Variants in HLCS observed in about 807,000 individuals in gnomAD.
The protein encoded by HLCS is biotin--protein ligase.
In HLCS, 53 loss-of-function variants were observed where a neutral mutation model predicts 75.0. The observed-to-expected ratio is 0.71, with a 90% CI of 0.57 to 0.89. HLCS has a LOEUF of 0.89. Among genes scored for constraint, HLCS ranks in the 40% least tolerant of loss-of-function variants. The pLI is 0.00. For synonymous variants in HLCS, 431 were observed against 428.6 expected (o/e 1.01, Z -0.07); for missense variants, 966 against 1,074.0 (o/e 0.90, Z 1.41).
intron 2 of HLCS, among the ~76,000 whole-genome samples, chr21:36,950,001 T>C (rs1423804655): frequency 6.6e-6 from 1 of 152,054 alleles, no homozygotes; most frequent in Non-Finnish European, 1.5e-5. Context: ...CCACAGGCCA[T>C]CACCTCCTAA....
intron 6 of HLCS, among the ~76,000 whole-genome samples, chr21:36,805,244 A>G (rs989006034): frequency 6.6e-6 from 1 of 151,896 alleles, no homozygotes; most frequent in African/African-American, 2.4e-5. Flanking sequence ...AATTTTAAAG[A>G]AAAAAAAATT....
At chr21:36,759,584 T>C in intron 9 of HLCS, 143 bp downstream of exon 9, 1 of 670,850 alleles carries the variant, frequency 1.5e-6, no homozygotes. Context: ...TCTCTCTGCA[T>C]CTATACCCTG....
chr21:36,986,423 TG>T (rs1375099294), intron 1 of HLCS, among the ~76,000 whole-genome samples: 1 of 152,234 alleles, frequency 6.6e-6, no homozygotes, highest in African/African-American at 2.4e-5. Flanking sequence ...ACTTTTCGTT[TG>T]TTTTTTGGTT....
intron 6 of HLCS, among the ~76,000 whole-genome samples, chr21:36,888,387 T>C (rs1330034641): frequency 6.4e-5 from 9 of 141,512 alleles, no homozygotes; most frequent in African/African-American, 2.4e-4. Flanking sequence ...CTTTCTTAAA[T>C]GACTGCAGCT....
chr21:36,757,204 G>A (rs147089807), intron 9 of HLCS, among the ~76,000 whole-genome samples: 3,478 of 152,252 alleles, frequency 0.023, 61 homozygotes, highest in Middle Eastern at 0.037. Context: ...TTCAGGACTT[G>A]GGAAGTAAAC....
At chr21:36,859,126 G>A (rs551952599) in intron 6 of HLCS, among the ~76,000 whole-genome samples, 2 of 152,288 alleles carry the variant, frequency 1.3e-5, no homozygotes, top group African/African-American at 2.4e-5. Context: ...GAGTTCAAGC[G>A]ATTCTCCTGC....
At chr21:36,911,530 G>C (rs1272372437) in intron 5 of HLCS, among the ~76,000 whole-genome samples, 2 of 152,088 alleles carry the variant, frequency 1.3e-5, no homozygotes, top group South Asian at 4.2e-4. Flanking sequence ...GGATCACAAG[G>C]TAAGGAGATC....
intron 6 of HLCS, among the ~76,000 whole-genome samples, chr21:36,840,125 A>G (rs2146091277): frequency 6.6e-6 from 1 of 152,332 alleles, no homozygotes; most frequent in East Asian, 1.9e-4. Flanking sequence ...AGCTTGTAAC[A>G]TCTTGTAACT....
intron 2 of HLCS, among the ~76,000 whole-genome samples, chr21:36,950,100 A>G (rs1330467485): frequency 1.3e-5 from 2 of 152,066 alleles, no homozygotes; most frequent in Non-Finnish European, 2.9e-5. Flanking sequence ...AATCTGTTCC[A>G]GGTTTGCTCC....
At chr21:36,943,986 C>T (rs1200213785) in intron 2 of HLCS, 1 of 152,152 alleles carries the variant, frequency 6.6e-6, no homozygotes, top group East Asian at 1.9e-4. Flanking sequence ...CTATAGACCA[C>T]CCCAGTGGCC....
intron 5 of HLCS, among the ~76,000 whole-genome samples, chr21:36,923,955 G>A (rs1257949872): frequency 6.6e-6 from 1 of 152,184 alleles, no homozygotes; most frequent in African/African-American, 2.4e-5. Flanking sequence ...GCTTTTAAAT[G>A]TTTGCTTTAA....
At chr21:36,904,866 C>T (rs1215015406) in intron 5 of HLCS, among the ~76,000 whole-genome samples, 2 of 152,088 alleles carry the variant, frequency 1.3e-5, no homozygotes, top group East Asian at 1.9e-4. Context: ...AATGACCATG[C>T]AATGTAAAAA....
At chr21:36,855,536 TAAAAAAAAAA>T (rs71901243) in intron 6 of HLCS, among the ~76,000 whole-genome samples, 4 of 75,634 alleles carry the variant, frequency 5.3e-5, no homozygotes, top group Admixed American at 1.4e-4. Context: ...AGACTCCATC[TAAAAAAAAAA>T]AAAAAAAAAA....
At chr21:36,921,302 G>A (rs949188545) in intron 5 of HLCS, among the ~76,000 whole-genome samples, 2 of 152,134 alleles carry the variant, frequency 1.3e-5, no homozygotes, top group African/African-American at 4.8e-5. Context: ...AAAACTAGCT[G>A]GGCGTGGTGG....
At chr21:36,855,665 C>A (rs2063167069) in intron 6 of HLCS, among the ~76,000 whole-genome samples, 1 of 152,112 alleles carries the variant, frequency 6.6e-6, no homozygotes, top group Non-Finnish European at 1.5e-5. Flanking sequence ...CAACCTCTGC[C>A]TCCCAGGCTC....
At chr21:36,811,997 C>T (rs2061525409) in intron 6 of HLCS, among the ~76,000 whole-genome samples, 2 of 152,106 alleles carry the variant, frequency 1.3e-5, no homozygotes, top group South Asian at 2.1e-4. Context: ...GCTTTGGCAT[C>T]CTGTGAGTCT....
At chr21:36,926,517 T>C (rs189023381) in intron 5 of HLCS, among the ~76,000 whole-genome samples, 56 of 152,360 alleles carry the variant, frequency 3.7e-4, no homozygotes, top group African/African-American at 1.2e-3. Context: ...CATTTGTTTT[T>C]AGTTTTTAAT....
At chr21:36,823,840 T>C (rs1315232690) in intron 6 of HLCS, among the ~76,000 whole-genome samples, 1 of 152,140 alleles carries the variant, frequency 6.6e-6, no homozygotes, top group African/African-American at 2.4e-5. Flanking sequence ...CCCCCTCCCA[T>C]TCTTGGAGGA....
At chr21:36,856,338 C>G (rs796625720) in intron 6 of HLCS, among the ~76,000 whole-genome samples, 10 of 152,166 alleles carry the variant, frequency 6.6e-5, no homozygotes, top group African/African-American at 1.9e-4. Flanking sequence ...AAAAGGTAGG[C>G]CAGAACATCT....
Sources: gnomAD v4.1 joint callset for allele counts (sites outside exome capture counted in the v4.1 genomes callset) on GRCh38, gnomAD v4.1.1 for gene constraint, MANE v1.5 for transcripts, NCBI Gene and HGNC (gene_info 2026-07-23, HGNC 2026-07-21) for gene names.